ZNF883: variants seen among roughly 807,000 people sequenced by gnomAD.
ZNF883 encodes zinc finger protein 883.
At chr9:113,010,588 G>C (rs952703957) in intron 2 of ZNF883, among the ~76,000 whole-genome samples, 1 of 152,180 alleles carries the variant, frequency 6.6e-6, no homozygotes, top group East Asian at 1.9e-4. Flanking sequence ...AAGTACGTGA[G>C]GTGATGCATG....
At chr9:113,002,737 G>A, upstream of ZNF883, among the ~76,000 whole-genome samples, 1 of 152,200 alleles carries the variant, frequency 6.6e-6, no homozygotes. Context: ...TCTCCCAAAG[G>A]CACATGTTGA....
downstream of ZNF883, among the ~76,000 whole-genome samples, chr9:112,996,929 A>G (rs1261276056): frequency 6.6e-6 from 1 of 151,342 alleles, no homozygotes; most frequent in African/African-American, 2.4e-5. Context: ...CACTTCCATT[A>G]TAACTTTCTC....
At chr9:113,003,088 A>G (rs1206153261), upstream of ZNF883, among the ~76,000 whole-genome samples, 1 of 152,202 alleles carries the variant, frequency 6.6e-6, no homozygotes, top group Non-Finnish European at 1.5e-5. Context: ...ACACCTTGTG[A>G]TATGATTTTG....
intron 2 of ZNF883, among the ~76,000 whole-genome samples, chr9:113,007,990 G>A (rs1828495464): frequency 6.6e-6 from 1 of 152,158 alleles, no homozygotes; most frequent in South Asian, 2.1e-4. Flanking sequence ...AAATTTTTCT[G>A]CATCACCGGG....
chr9:113,010,259 A>C (rs918671998), intron 2 of ZNF883, among the ~76,000 whole-genome samples: 1 of 152,350 alleles, frequency 6.6e-6, no homozygotes, highest in East Asian at 1.9e-4. Flanking sequence ...GCTGCGTTAC[A>C]GACACACATG....
chr9:113,003,903 T>C (rs1477512218), intron 2 of ZNF883, among the ~76,000 whole-genome samples: 1 of 151,962 alleles, frequency 6.6e-6, no homozygotes, highest in Non-Finnish European at 1.5e-5. Flanking sequence ...AATTCTCCCC[T>C]GTTGTGGGTT....
At chr9:112,995,492 T>TCTCCCTTTC (rs1350445905), downstream of ZNF883, among the ~76,000 whole-genome samples, 4 of 151,878 alleles carry the variant, frequency 2.6e-5, no homozygotes, top group Non-Finnish European at 5.9e-5. Context: ...CCTGCCTTTC[T>TCTCCCTTTC]CTCCCTTTCC....
At chr9:113,007,814 A>G (rs967550968) in intron 2 of ZNF883, among the ~76,000 whole-genome samples, 2 of 152,180 alleles carry the variant, frequency 1.3e-5, no homozygotes, top group Non-Finnish European at 2.9e-5. Flanking sequence ...TGACTTGCCT[A>G]AGGTCACCCA....
chr9:113,000,640 A>T (rs536443545), upstream of ZNF883, among the ~76,000 whole-genome samples: 23 of 152,154 alleles, frequency 1.5e-4, no homozygotes, highest in Non-Finnish European at 2.8e-4. Flanking sequence ...ATAAAGATAC[A>T]ATGTTTTCTA....
chr9:112,996,985 A>G (rs1828364546), downstream of ZNF883: 1 of 752,704 alleles, frequency 1.3e-6, no homozygotes, highest in Non-Finnish European at 2.0e-6. Flanking sequence ...CCTTCTTCTC[A>G]GTACAAATAG....
At chr9:113,005,663 T>C (rs755989589) in intron 2 of ZNF883, among the ~76,000 whole-genome samples, 41 of 152,214 alleles carry the variant, frequency 2.7e-4, no homozygotes, top group Non-Finnish European at 1.8e-4. Context: ...ATAATAGTTA[T>C]ATTACCTGCA....
downstream of ZNF883, among the ~76,000 whole-genome samples, chr9:112,996,263 T>C (rs1350936526): frequency 2.0e-5 from 3 of 152,178 alleles, no homozygotes; most frequent in Admixed American, 1.3e-4. Flanking sequence ...TTTGTAACCA[T>C]ATATATAGTC....
exon 1 of ZNF883, chr9:112,997,755 T>C: frequency 6.2e-7 from 1 of 1,613,960 alleles, no homozygotes; most frequent in East Asian, 2.2e-5. Context: ...TGATGTTCAA[T>C]TAGGTGTGTG....
chr9:113,010,024 AG>A (rs1486445856), intron 2 of ZNF883, among the ~76,000 whole-genome samples: 1 of 152,234 alleles, frequency 6.6e-6, no homozygotes, highest in African/African-American at 2.4e-5. Flanking sequence ...CCTCATGCTC[AG>A]TTGAGGAACA....
chr9:112,999,270 T>C (rs1043248341), upstream of ZNF883: 19 of 152,224 alleles, frequency 1.2e-4, no homozygotes, highest in African/African-American at 4.3e-4. Context: ...TGGAACAATA[T>C]ATATGTCTGG....
upstream of ZNF883, among the ~76,000 whole-genome samples, chr9:113,000,685 TAAAG>T (rs1039970397): frequency 9.9e-5 from 15 of 152,200 alleles, no homozygotes; most frequent in South Asian, 4.1e-4. Context: ...GTACTAATGA[TAAAG>T]AAAGAGAGGC....
chr9:113,008,605 TTTA>T (rs139628872), intron 2 of ZNF883, among the ~76,000 whole-genome samples: 5,875 of 152,228 alleles, frequency 0.039, 260 homozygotes, highest in East Asian at 0.22. Flanking sequence ...AATCCAGCAT[TTTA>T]TTTGAATTTT....
chr9:113,006,332 G>A (rs1472240886), intron 2 of ZNF883, among the ~76,000 whole-genome samples: 1 of 151,918 alleles, frequency 6.6e-6, no homozygotes, highest in Non-Finnish European at 1.5e-5. Context: ...ATGAGTAATC[G>A]ACCCCTTGTT....
upstream of ZNF883, among the ~76,000 whole-genome samples, chr9:113,000,656 G>A (rs1828413668): frequency 6.6e-6 from 1 of 152,102 alleles, no homozygotes; most frequent in Admixed American, 6.6e-5. Flanking sequence ...TTCTAGCCAA[G>A]GAGGCTGGAA....
Sources: allele counts gnomAD v4.1 joint callset (sites outside exome capture counted in the v4.1 genomes callset), GRCh38; gene constraint gnomAD v4.1.1; transcripts MANE v1.5; gene names NCBI Gene and HGNC (gene_info 2026-07-23, HGNC 2026-07-21).